The following AMZ2 variants were observed in gnomAD, a reference collection of about 807,000 sequenced individuals.
AMZ2 encodes the protein archaelysin family metallopeptidase 2.
AMZ2 carries 26 observed loss-of-function variants against 36.7 expected under a neutral mutation model. That is an observed-to-expected ratio of 0.71 (90% CI 0.52 to 0.98). The LOEUF is 0.98. Among genes scored for constraint, AMZ2 ranks in the 50% least tolerant of loss-of-function variants. The probability of loss-of-function intolerance (pLI) is 0.00; values close to 1 mark genes in which losing one functional copy is unlikely to be tolerated. For synonymous variants in AMZ2, 144 were observed against 149.1 expected (o/e 0.97, Z 0.25); for missense variants, 394 against 430.5 (o/e 0.92, Z 0.75).
rs1435406804 is a variant in AMZ2 at position 68,206,171 on chromosome 17, C to T, written c.-134C>T. The stretch of plus-strand genomic sequence containing the variant: ...CCGATTATCTGGAGGAGCTGGAAGA[C>T]GACGACGACGCCAGTTACTGCACAG... On this transcript the variant is annotated 5_prime_UTR_variant, in exon 1 of 8. Transcript: ENST00000674770. The T allele has an allele frequency of 3.8e-6, 5 of 1,304,496 alleles. No homozygotes were observed. In the African/African-American group the frequency reaches 4.5e-5, roughly 12 times the overall value. 80.8% of individuals were successfully genotyped at this position (1,304,496 alleles called of 1,614,324 possible).
chr17:68,249,113 AT>A (rs1240269137), intron 1 of AMZ2: 162 of 1,184,016 alleles, frequency 1.4e-4, no homozygotes, highest in Non-Finnish European at 6.4e-5. Flanking sequence ...CTGGCTTTTG[AT>A]TAGTCATCTG....
chr17:68,247,789 C>A, upstream of AMZ2: 1 of 985,564 alleles, frequency 1.0e-6, no homozygotes, highest in Non-Finnish European at 1.2e-6. Context: ...GCCGCGGAGC[C>A]GCCGCGAGCG....
chr17:68,231,705 T>G (rs1280402410), intron 1 of AMZ2, among the ~76,000 whole-genome samples: 2 of 151,838 alleles, frequency 1.3e-5, no homozygotes, highest in African/African-American at 4.8e-5. Context: ...TACCTTTCTT[T>G]TCTTCTTGAA....
intron 1 of AMZ2, among the ~76,000 whole-genome samples, chr17:68,219,254 C>T (rs1474923587): frequency 5.3e-5 from 8 of 152,168 alleles, no homozygotes; most frequent in Non-Finnish European, 1.0e-4. Context: ...TGTGAGCCAC[C>T]GTGCCCAGCT....
chr17:68,233,487 G>T (rs1273709938), intron 1 of AMZ2, among the ~76,000 whole-genome samples: 1 of 141,898 alleles, frequency 7.0e-6, no homozygotes, highest in Non-Finnish European at 1.5e-5. Context: ...CTAACCTGCC[G>T]ACAAGAGCGA....
chr17:68,227,650 A>T (rs552007977), intron 1 of AMZ2, among the ~76,000 whole-genome samples: 62 of 152,136 alleles, frequency 4.1e-4, no homozygotes, highest in Admixed American at 3.7e-3. Context: ...TCTCTGCTCC[A>T]TCTTCACACG....
At chr17:68,246,415 A>C (rs1254434696), upstream of AMZ2, among the ~76,000 whole-genome samples, 1 of 152,108 alleles carries the variant, frequency 6.6e-6, no homozygotes, top group Admixed American at 6.6e-5. Flanking sequence ...TCCGTTTTAC[A>C]AAAGAGGTCA....
At chr17:68,248,000 G>A, upstream of AMZ2, 1 of 986,006 alleles carries the variant, frequency 1.0e-6, no homozygotes, top group Non-Finnish European at 1.2e-6. Context: ...GCGGCGCGGC[G>A]CGTGGCGTAA....
At chr17:68,210,466 GTACT>G (rs781911093) in intron 1 of AMZ2, among the ~76,000 whole-genome samples, 60 of 152,318 alleles carry the variant, frequency 3.9e-4, no homozygotes, top group Admixed American at 8.5e-4. Context: ...CACTCATGAG[GTACT>G]TAGAGTGTTC....
At chr17:68,208,059 C>T (rs1331064833) in intron 1 of AMZ2, among the ~76,000 whole-genome samples, 1 of 152,176 alleles carries the variant, frequency 6.6e-6, no homozygotes, top group African/African-American at 2.4e-5. Flanking sequence ...CACGGGGCAG[C>T]ACTTGGGACC....
chr17:68,232,510 A>C (rs1469770406), intron 1 of AMZ2, among the ~76,000 whole-genome samples: 3 of 151,728 alleles, frequency 2.0e-5, no homozygotes, highest in Non-Finnish European at 4.4e-5. Flanking sequence ...AAAAAAAAAA[A>C]AAGAGATTGA....
intron 1 of AMZ2, among the ~76,000 whole-genome samples, chr17:68,207,735 G>A (rs1464855458): frequency 6.6e-6 from 1 of 152,240 alleles, no homozygotes; most frequent in Non-Finnish European, 1.5e-5. Flanking sequence ...CGCCTCCTCG[G>A]CCTTGGCGCC....
intron 4 of AMZ2, 95 bp downstream of exon 4, chr17:68,251,273 T>C: frequency 3.0e-6 from 4 of 1,338,184 alleles, no homozygotes; most frequent in Non-Finnish European, 4.1e-6. Context: ...AAGAATCATA[T>C]TGATATTTAA....
chr17:68,216,970 T>C (rs1166869216), intron 1 of AMZ2, among the ~76,000 whole-genome samples: 3 of 151,382 alleles, frequency 2.0e-5, no homozygotes, highest in African/African-American at 7.3e-5. Context: ...GAGGTGGAGC[T>C]TGCAGTGAGC....
chr17:68,219,464 C>T (rs1219034074), intron 1 of AMZ2, among the ~76,000 whole-genome samples: 1 of 152,208 alleles, frequency 6.6e-6, no homozygotes, highest in Admixed American at 6.5e-5. Context: ...AGTTCTTTCT[C>T]TGAGTACTTA....
At chr17:68,222,067 G>A (rs1568348846) in intron 1 of AMZ2, among the ~76,000 whole-genome samples, 1 of 152,218 alleles carries the variant, frequency 6.6e-6, no homozygotes, top group Non-Finnish European at 1.5e-5. Context: ...TGAATGAAAA[G>A]GATACTTCAG....
At position 68,254,343 on chromosome 17, in the gene AMZ2, T is replaced by C. The variant is rs56215511; in HGVS notation, c.587-61T>C. 3.6e-3 allele frequency: 5,464 copies of C among 1,524,606 alleles called. 166 individuals carry two copies. In the African/African-American group the frequency reaches 0.066, roughly 18 times the overall value. The allele number at this position is 1,524,606 out of a possible 1,614,324, so 94.4% of individuals were successfully genotyped here. A position where few individuals can be genotyped will look rare whatever the true frequency, so the allele number is the denominator to read the frequency against. On this transcript the variant is annotated intron_variant, in intron 4 of 6. Coordinates refer to ENST00000359904, the MANE Select transcript of AMZ2 (RefSeq NM_016627.5). ...CCAGATGGGCCAGCAGTCTCTTCTT[T>C]CTTTGGTCTTTCTTCAGGGACCTTA... is the stretch of plus-strand genomic sequence containing the variant.
chr17:68,247,825 G>T (rs1463282912), upstream of AMZ2: 7 of 985,456 alleles, frequency 7.1e-6, no homozygotes, highest in African/African-American at 1.0e-4. Flanking sequence ...CGACTGCGGG[G>T]GTGGACAGCT....
chr17:68,209,632 A>ATATATATATGTATATATATTTTTT, intron 1 of AMZ2, among the ~76,000 whole-genome samples: 4 of 90,700 alleles, frequency 4.4e-5, no homozygotes, highest in Non-Finnish European at 6.0e-5. Flanking sequence ...ATATATATAT[A>ATATATATATGTATATATATTTTTT]TTTTTTTTTT....
Sources: allele counts gnomAD v4.1 joint callset (sites outside exome capture counted in the v4.1 genomes callset), GRCh38; gene constraint gnomAD v4.1.1; transcripts MANE v1.5; gene names NCBI Gene and HGNC (gene_info 2026-07-23, HGNC 2026-07-21).